Variants in FRAS1 observed in about 807,000 individuals in gnomAD.
FRAS1 encodes extracellular matrix organizing protein FRAS1.
In FRAS1, 290 loss-of-function variants were observed where a neutral mutation model predicts 435.2. The observed-to-expected ratio is 0.67, with a 90% CI of 0.61 to 0.73. The LOEUF (loss-of-function observed/expected upper bound fraction) is 0.73. Among genes scored for constraint, FRAS1 ranks in the 30% least tolerant of loss-of-function variants. The pLI, the probability that FRAS1 is intolerant of heterozygous loss-of-function variation, is 0.00. For synonymous variants in FRAS1, 1,800 were observed against 1,851.0 expected, an observed-to-expected ratio of 0.97 and a Z score of 0.71; for missense variants, 4,860 against 5,001.5, an observed-to-expected ratio of 0.97 and a Z score of 0.85.
chr4:78,261,308 C>G (rs1726088969), intron 6 of FRAS1, among the ~76,000 whole-genome samples: 1 of 149,286 alleles, frequency 6.7e-6, no homozygotes. Flanking sequence ...TACAAAATGG[C>G]TTTTAAACAT....
intron 26 of FRAS1, among the ~76,000 whole-genome samples, chr4:78,378,376 T>C (rs750575977): frequency 1.3e-5 from 2 of 152,196 alleles, no homozygotes; most frequent in Non-Finnish European, 2.9e-5. Context: ...TGAGTAATGC[T>C]GCTATGAACA....
chr4:78,409,283 G>A (rs1733231157), intron 31 of FRAS1, among the ~76,000 whole-genome samples: 1 of 151,802 alleles, frequency 6.6e-6, no homozygotes, highest in African/African-American at 2.4e-5. Context: ...TAATTACTAG[G>A]AAATTCTTTA....
chr4:78,431,152 T>A (rs1446568031), intron 37 of FRAS1, among the ~76,000 whole-genome samples: 1 of 152,218 alleles, frequency 6.6e-6, no homozygotes, highest in African/African-American at 2.4e-5. Context: ...CAGTAATCCA[T>A]CCTTCTGAAT....
chr4:78,534,543 G>C lies in FRAS1; in HGVS notation c.11020G>C (p.Val3674Leu). The change falls in exon 71 of 74, where the codon GTG becomes CTG. Residue 3674 changes from valine (V) to leucine (L), a missense_variant. Val to Leu is a conservative substitution (Grantham distance 32). Transcript: ENST00000512123. ...ATTTCAGCTCTGCAATAATGAGAAG[G>C]TGTTCCTAATGGATCCCAATACATC... is the stretch of plus-strand genomic sequence containing the variant. ...TEFQLCNNEK[V>L]FLMDPNTSDM... 1 of 1,613,568 alleles carries C rather than the reference G, an allele frequency of 6.2e-7. No individual in the cohort carries two copies. The highest frequency in any genetic ancestry group is 8.5e-7 in the Non-Finnish European group (1 of 1,179,548).
intron 29 of FRAS1, among the ~76,000 whole-genome samples, chr4:78,398,933 A>C (rs982948981): frequency 2.6e-5 from 4 of 152,162 alleles, no homozygotes; most frequent in African/African-American, 9.7e-5. Flanking sequence ...TGGTGAGCCA[A>C]GTTCGTGCAA....
At chr4:78,513,277 G>GA (rs923358842) in intron 64 of FRAS1, 115 bp from the exon 65 acceptor site, 2,299 of 991,716 alleles carry the variant, frequency 2.3e-3, no homozygotes, top group Non-Finnish European at 2.8e-3. Flanking sequence ...GCTTCAGGAA[G>GA]AAAAAAAAAT....
At chr4:78,358,248 C>G (rs1730938018) in intron 20 of FRAS1, among the ~76,000 whole-genome samples, 1 of 151,902 alleles carries the variant, frequency 6.6e-6, no homozygotes, top group Non-Finnish European at 1.5e-5. Flanking sequence ...ATAAAAGAAA[C>G]ACAAAGTAAA....
At chr4:78,267,571 G>A in intron 9 of FRAS1, 139 bp downstream of exon 9, 2 of 748,614 alleles carry the variant, frequency 2.7e-6, no homozygotes, top group Non-Finnish European at 4.4e-6. Flanking sequence ...ACCTTCTAGT[G>A]TAAAGCTTCC....
At chr4:78,217,429 T>C (rs893195667) in intron 2 of FRAS1, among the ~76,000 whole-genome samples, 9 of 152,104 alleles carry the variant, frequency 5.9e-5, no homozygotes, top group African/African-American at 2.2e-4. Flanking sequence ...GGGGCATGTC[T>C]GGAAGAGGAC....
chr4:78,065,081 T>TATATACAC (rs762909923), intron 1 of FRAS1, among the ~76,000 whole-genome samples: 30 of 125,688 alleles, frequency 2.4e-4, no homozygotes, highest in South Asian at 5.0e-4. Flanking sequence ...TATATATATA[T>TATATACAC]ATACATACAC....
chr4:78,474,127 G>A (rs975728813), intron 53 of FRAS1, among the ~76,000 whole-genome samples: 5 of 152,144 alleles, frequency 3.3e-5, no homozygotes, highest in African/African-American at 1.2e-4. Context: ...TCCCAACCCT[G>A]TTTTCTCCCC....
intron 20 of FRAS1, among the ~76,000 whole-genome samples, chr4:78,355,368 C>T (rs892376253): frequency 6.6e-6 from 1 of 152,156 alleles, no homozygotes; most frequent in Non-Finnish European, 1.5e-5. Context: ...CTGGGCCTCT[C>T]TTCTTTCCTT....
chr4:78,490,916 T>C (rs540159535), intron 59 of FRAS1, among the ~76,000 whole-genome samples: 12 of 150,708 alleles, frequency 8.0e-5, no homozygotes, highest in African/African-American at 2.4e-4. Flanking sequence ...TTATCCAGAC[T>C]AATAAAGAAG....
At chr4:78,457,656 C>T (rs1329002854) in intron 47 of FRAS1, among the ~76,000 whole-genome samples, 3 of 152,180 alleles carry the variant, frequency 2.0e-5, no homozygotes, top group Admixed American at 6.5e-5. Flanking sequence ...AAAGTGAGTG[C>T]CCTCAAGGAC....
chr4:78,534,465 G>A lies in FRAS1; in HGVS notation c.10942G>A (p.Ala3648Thr), dbSNP rs753940766. ...HAPERFLIPI[A>T]FQQTNRPVPV... The stretch of plus-strand genomic sequence containing the variant: ...TGCATTTAGATTCCTGATACCCATT[G>A]CATTCCAGCAGACCAACCGCCCTGT... The change falls in exon 71 of 74, where the codon GCA becomes ACA. Residue 3648 changes from alanine (A) to threonine (T), a missense_variant. Coordinates refer to ENST00000512123, the MANE Select transcript of FRAS1 (RefSeq NM_025074.7). 1 of 1,612,836 alleles carries A rather than the reference G, an allele frequency of 6.2e-7. No homozygotes were observed. Among genetic ancestry groups the A allele is most frequent in the Non-Finnish European group, 8.5e-7 (1 of 1,179,310 alleles).
chr4:78,464,896 C>G (rs990318869), intron 49 of FRAS1, among the ~76,000 whole-genome samples: 2 of 152,158 alleles, frequency 1.3e-5, no homozygotes, highest in Non-Finnish European at 2.9e-5. Context: ...TGACATTTTA[C>G]CCAATGTTAT....
At chr4:78,181,038 G>A (rs1468330756) in intron 2 of FRAS1, 8 of 1,582,498 alleles carry the variant, frequency 5.1e-6, no homozygotes, top group Middle Eastern at 3.3e-4. Flanking sequence ...CAGCTGAGAC[G>A]TTATATCATT....
intron 2 of FRAS1, among the ~76,000 whole-genome samples, chr4:78,189,637 T>G (rs1722439291): frequency 1.3e-5 from 2 of 152,240 alleles, no homozygotes; most frequent in Non-Finnish European, 2.9e-5. Flanking sequence ...AGTGTTCTCA[T>G]TCGGCTCTAT....
intron 2 of FRAS1, among the ~76,000 whole-genome samples, chr4:78,083,426 A>T (rs547061963): frequency 1.6e-4 from 24 of 152,278 alleles, no homozygotes; most frequent in African/African-American, 5.8e-4. Flanking sequence ...GAAGTACTTT[A>T]TCAGGAGACC....
Sources: allele counts gnomAD v4.1 joint callset (sites outside exome capture counted in the v4.1 genomes callset), GRCh38; gene constraint gnomAD v4.1.1; transcripts MANE v1.5; gene names NCBI Gene and HGNC (gene_info 2026-07-23, HGNC 2026-07-21).